Variants in TDRD7 observed in about 807,000 individuals in gnomAD.
TDRD7 encodes the protein tudor domain containing 7, also known as tudor domain-containing protein 7.
TDRD7 carries 47 observed loss-of-function variants against 109.8 expected under a neutral mutation model. That is an observed-to-expected ratio of 0.43 (90% CI 0.34 to 0.55). The LOEUF (loss-of-function observed/expected upper bound fraction) is 0.55, where lower values mean the gene tolerates loss of function less well. Ranked by LOEUF, TDRD7 falls within the 20% of genes least tolerant of loss-of-function variation. The pLI, the probability that TDRD7 is intolerant of heterozygous loss-of-function variation, is 0.03. For synonymous variants in TDRD7, 424 were observed against 457.3 expected (o/e 0.93, Z 0.93); for missense variants, 1,164 against 1,319.2 (o/e 0.88, Z 1.82).
Position 97,491,481 on chromosome 9 carries a change from T to TAC in TDRD7, c.3076+4151_3076+4152dup, listed in dbSNP as rs1215541330. On this transcript the variant is annotated intron_variant, in intron 16 of 16. Coordinates refer to ENST00000355295, the MANE Select transcript of TDRD7 (RefSeq NM_014290.3). The stretch of plus-strand genomic sequence containing the variant: ...GTTCTTTGTTGAAAGGTGGACATGA[T>TAC]ACATTGGGTAAAAGGAAATCTGGGT... Among the ~76,000 whole-genome samples the TAC allele has an allele frequency of 1.4e-4, 22 of 152,368 alleles. No individual in the cohort carries two copies. The East Asian group carries it at 4.0e-3, about 28-fold the overall frequency.
At chr9:97,457,803 A>G (rs928035939) in intron 6 of TDRD7, among the ~76,000 whole-genome samples, 3 of 152,242 alleles carry the variant, frequency 2.0e-5, no homozygotes, top group African/African-American at 7.2e-5. Flanking sequence ...CCATGCAGCC[A>G]TAGAAAGGAA....
At chr9:97,447,617 CAAAAT>C (rs1251585054) in intron 6 of TDRD7, among the ~76,000 whole-genome samples, 1 of 152,122 alleles carries the variant, frequency 6.6e-6, no homozygotes, top group Non-Finnish European at 1.5e-5. Flanking sequence ...GAAATGAAGT[CAAAAT>C]AAACTCCAAG....
At chr9:97,452,123 AGG>A (rs1479007637) in intron 6 of TDRD7, among the ~76,000 whole-genome samples, 1 of 152,192 alleles carries the variant, frequency 6.6e-6, no homozygotes, top group Non-Finnish European at 1.5e-5. Flanking sequence ...CTGAGGCAGG[AGG>A]ATCACTTGAG....
intron 4 of TDRD7, among the ~76,000 whole-genome samples, chr9:97,437,572 G>T (rs1828226411): frequency 6.6e-6 from 1 of 152,190 alleles, no homozygotes; most frequent in Non-Finnish European, 1.5e-5. Flanking sequence ...ATTACACAAG[G>T]CTGTGAATAC....
chr9:97,466,771 G>A (rs1183799267), intron 8 of TDRD7, among the ~76,000 whole-genome samples: 4 of 152,194 alleles, frequency 2.6e-5, no homozygotes, highest in Admixed American at 6.5e-5. Context: ...AATCAGATCA[G>A]TGGTTGCCTG....
At chr9:97,435,097 G>T (rs1197423660) in intron 4 of TDRD7, among the ~76,000 whole-genome samples, 1 of 152,116 alleles carries the variant, frequency 6.6e-6, no homozygotes, top group Non-Finnish European at 1.5e-5. Context: ...TATGTTGATT[G>T]TACTGGTGGG....
intron 7 of TDRD7, among the ~76,000 whole-genome samples, chr9:97,462,924 C>A (rs528702874): frequency 6.6e-6 from 1 of 152,342 alleles, no homozygotes; most frequent in Admixed American, 6.5e-5. Context: ...GGCAGACCAC[C>A]ACATCAGGGC....
At chr9:97,491,446 A>G (rs1021546968) in intron 16 of TDRD7, among the ~76,000 whole-genome samples, 1 of 152,122 alleles carries the variant, frequency 6.6e-6, no homozygotes, top group Non-Finnish European at 1.5e-5. Flanking sequence ...TTCCTTCCAT[A>G]TCACTTGTAG....
chr9:97,480,314 A>G (rs1397380397), intron 13 of TDRD7: 2 of 177,114 alleles, frequency 1.1e-5, no homozygotes, highest in East Asian at 1.4e-4. Flanking sequence ...CACCCTCCTT[A>G]GTTCTCATTA....
chr9:97,421,014 A>G (rs571718312), intron 1 of TDRD7, among the ~76,000 whole-genome samples: 2 of 152,196 alleles, frequency 1.3e-5, no homozygotes, highest in Admixed American at 6.5e-5. Context: ...GTGTGCCTGT[A>G]GTCCCAGCAA....
At chr9:97,435,135 G>T (rs941834804) in intron 4 of TDRD7, among the ~76,000 whole-genome samples, 3 of 151,904 alleles carry the variant, frequency 2.0e-5, no homozygotes, top group Non-Finnish European at 4.4e-5. Context: ...GTGGTAAATT[G>T]CACAGAACTA....
In TDRD7 at chr9:97,438,510, C is replaced by T. The variant is rs954976684; in HGVS notation, c.564-735C>T. ...TTTGCCTTGCATGTATCAAGCTCTG[C>T]CCCAGGCACTTGGGAACACAAACAA... On this transcript the variant is annotated intron_variant, in intron 4 of 16. Coordinates refer to ENST00000355295, the MANE Select transcript of TDRD7 (RefSeq NM_014290.3). Among the ~76,000 whole-genome samples the T allele has an allele frequency of 3.3e-5, 5 of 152,214 alleles. No individual in the cohort carries two copies. The Middle Eastern group carries it at 0.014, about 414-fold the overall frequency.
intron 1 of TDRD7, among the ~76,000 whole-genome samples, chr9:97,417,356 G>C (rs1017669314): frequency 6.6e-6 from 1 of 152,122 alleles, no homozygotes; most frequent in African/African-American, 2.4e-5. Context: ...TGATATAATA[G>C]TATATATTAT....
At chr9:97,477,731 G>A (rs1408472466) in intron 12 of TDRD7, among the ~76,000 whole-genome samples, 2 of 151,764 alleles carry the variant, frequency 1.3e-5, no homozygotes, top group Admixed American at 6.6e-5. Context: ...TAATTGCAAA[G>A]GTAATTATTG....
chr9:97,487,219 CTG>C lies in TDRD7; in HGVS notation c.2967_2968del (p.Tyr990Ter), dbSNP rs1311638375. On this transcript the variant is annotated frameshift_variant, in exon 16 of 17. Transcript: ENST00000355295. LOFTEE classifies it high-confidence loss of function. ...GGAATCCTGACCAATGGACTGGTAT[CTG>C]TGTATGAGCTGGATTATGGCAAACA... is the stretch of plus-strand genomic sequence containing the variant. 1 of 1,613,988 alleles carries C rather than the reference CTG, an allele frequency of 6.2e-7. No homozygotes were observed.
intron 4 of TDRD7, among the ~76,000 whole-genome samples, chr9:97,432,572 G>A (rs1325156415): frequency 6.6e-6 from 1 of 152,074 alleles, no homozygotes; most frequent in African/African-American, 2.4e-5. Flanking sequence ...AAATCTGATG[G>A]AGTTTCAGAC....
chr9:97,439,914 T>C (rs1446460010), intron 5 of TDRD7, among the ~76,000 whole-genome samples: 1 of 152,190 alleles, frequency 6.6e-6, no homozygotes, highest in Non-Finnish European at 1.5e-5. Flanking sequence ...CTCCAACCAA[T>C]GTGTAAATCC....
At chr9:97,451,796 C>T (rs1280452848) in intron 6 of TDRD7, among the ~76,000 whole-genome samples, 1 of 152,148 alleles carries the variant, frequency 6.6e-6, no homozygotes, top group Non-Finnish European at 1.5e-5. Flanking sequence ...ATGCTGTCTC[C>T]AGGTAGATAG....
At chr9:97,467,680 ACT>A (rs1828842891) in intron 8 of TDRD7, among the ~76,000 whole-genome samples, 1 of 152,268 alleles carries the variant, frequency 6.6e-6, no homozygotes, top group Admixed American at 6.5e-5. Context: ...ATAGAAAATA[ACT>A]CTGAAGCAAG....
Sources: gnomAD v4.1 joint callset for allele counts (sites outside exome capture counted in the v4.1 genomes callset) on GRCh38, gnomAD v4.1.1 for gene constraint, MANE v1.5 for transcripts, NCBI Gene and HGNC (gene_info 2026-07-23, HGNC 2026-07-21) for gene names.